Variants in HAO1 observed in about 807,000 individuals in gnomAD.
HAO1 encodes the protein 2-Hydroxyacid oxidase 1.
In HAO1, 34 loss-of-function variants were observed where a neutral mutation model predicts 39.7. The observed-to-expected ratio is 0.86, with a 90% confidence interval of 0.65 to 1.14. The LOEUF is 1.14. Ranked by LOEUF, HAO1 falls within the 50% of genes most tolerant of loss-of-function variation. The probability of loss-of-function intolerance (pLI) is 0.00; values close to 1 mark genes in which losing one functional copy is unlikely to be tolerated. For synonymous variants in HAO1, 172 were observed against 173.2 expected (o/e 0.99, Z 0.05); for missense variants, 479 against 464.5 (o/e 1.03, Z -0.29).
intron 5 of HAO1, among the ~76,000 whole-genome samples, chr20:7,893,044 A>G (rs1327553146): frequency 6.6e-6 from 1 of 152,066 alleles, no homozygotes; most frequent in Non-Finnish European, 1.5e-5. Flanking sequence ...GCCTCTTGTC[A>G]TGACAAAATC....
At chr20:7,906,084 A>C (rs1161365095) in intron 4 of HAO1, 70 bp downstream of exon 4, 1 of 1,034,856 alleles carries the variant, frequency 9.7e-7, no homozygotes, top group African/African-American at 1.6e-5. Context: ...ATTTTCCTTT[A>C]AGAATATTAT....
At chr20:7,904,766 A>G (rs2050239635) in intron 4 of HAO1, among the ~76,000 whole-genome samples, 1 of 152,166 alleles carries the variant, frequency 6.6e-6, no homozygotes, top group African/African-American at 2.4e-5. Flanking sequence ...TATTTATGGA[A>G]TGAATGAGTG....
At chr20:7,916,426 A>G (rs2050307393) in intron 2 of HAO1, among the ~76,000 whole-genome samples, 1 of 152,224 alleles carries the variant, frequency 6.6e-6, no homozygotes, top group South Asian at 2.1e-4. Context: ...GAATCCAGTG[A>G]GTTGCTGCTT....
chr20:7,889,763 A>G (rs772574668), intron 5 of HAO1, among the ~76,000 whole-genome samples: 2 of 152,218 alleles, frequency 1.3e-5, no homozygotes, highest in African/African-American at 2.4e-5. Context: ...CCAACCTAAT[A>G]GAAGTGTATA....
intron 2 of HAO1, among the ~76,000 whole-genome samples, chr20:7,917,468 C>A (rs2050312216): frequency 6.6e-6 from 1 of 151,968 alleles, no homozygotes; most frequent in Non-Finnish European, 1.5e-5. Flanking sequence ...AGACTCCCTA[C>A]ATGTCTAAAT....
intron 1 of HAO1, among the ~76,000 whole-genome samples, chr20:7,936,548 T>TGTGTGCG (rs1555775557): frequency 3.9e-5 from 2 of 50,722 alleles, no homozygotes; most frequent in African/African-American, 1.2e-4. Flanking sequence ...GTGTGTGTGT[T>TGTGTGCG]CGCGCGCGCG....
intron 2 of HAO1, among the ~76,000 whole-genome samples, chr20:7,933,738 A>G (rs2050397142): frequency 5.9e-5 from 9 of 152,186 alleles, no homozygotes; most frequent in Admixed American, 5.9e-4. Context: ...CTTTTATATT[A>G]GTTTCTGGAG....
At chr20:7,911,016 G>C (rs897049027) in intron 3 of HAO1, among the ~76,000 whole-genome samples, 7 of 152,174 alleles carry the variant, frequency 4.6e-5, no homozygotes, top group Non-Finnish European at 1.0e-4. Flanking sequence ...GTCATGCGTT[G>C]ATTCTGCGAA....
chr20:7,909,387 A>ATATATATATATATATATATG (rs2050266582), intron 3 of HAO1, among the ~76,000 whole-genome samples: 1 of 136,660 alleles, frequency 7.3e-6, no homozygotes, highest in Admixed American at 7.2e-5. Context: ...ATGTATATAT[A>ATATATATATATATATATATG]TATATATATA....
chr20:7,891,323 G>T (rs1286006961), intron 5 of HAO1, among the ~76,000 whole-genome samples: 2 of 152,164 alleles, frequency 1.3e-5, no homozygotes, highest in South Asian at 4.1e-4. Context: ...TCATATGTTT[G>T]TTGGCCATTT....
intron 1 of HAO1, among the ~76,000 whole-genome samples, chr20:7,939,168 A>G (rs957089058): frequency 2.0e-5 from 3 of 152,116 alleles, no homozygotes; most frequent in African/African-American, 7.2e-5. Context: ...CTCTCAGTCA[A>G]CTTCCCTTCC....
intron 1 of HAO1, among the ~76,000 whole-genome samples, chr20:7,938,990 C>T (rs2050426940): frequency 6.6e-6 from 1 of 152,118 alleles, no homozygotes; most frequent in South Asian, 2.1e-4. Flanking sequence ...CTGAAATTTC[C>T]TTGGTTGTAA....
chr20:7,901,724 T>C (rs2050222209), intron 4 of HAO1, among the ~76,000 whole-genome samples: 3 of 152,214 alleles, frequency 2.0e-5, no homozygotes, highest in Admixed American at 6.5e-5. Context: ...TTAATAACAT[T>C]ATAGCTGCTA....
chr20:7,909,360 C>CATATATATATATATATATATATATAT (rs749171756), intron 3 of HAO1, among the ~76,000 whole-genome samples: 4 of 109,066 alleles, frequency 3.7e-5, no homozygotes, highest in South Asian at 3.7e-4. Flanking sequence ...CGGATTATGA[C>CATATATATATATATATATATATATAT]ATATATATAT....
chr20:7,895,580 A>T (rs1473255668), intron 4 of HAO1, among the ~76,000 whole-genome samples: 1 of 151,674 alleles, frequency 6.6e-6, no homozygotes, highest in Non-Finnish European at 1.5e-5. Flanking sequence ...TTATTCCTCA[A>T]CAATTTGGAT....
At chr20:7,932,457 A>G (rs1051540481) in intron 2 of HAO1, among the ~76,000 whole-genome samples, 1 of 152,106 alleles carries the variant, frequency 6.6e-6, no homozygotes, top group Non-Finnish European at 1.5e-5. Context: ...TCTAATTGTT[A>G]TCATTTCCTC....
intron 3 of HAO1, among the ~76,000 whole-genome samples, chr20:7,910,107 A>G (rs1472755353): frequency 1.3e-5 from 2 of 152,228 alleles, no homozygotes; most frequent in African/African-American, 4.8e-5. Context: ...TTAAGCATCT[A>G]CTACATGCCA....
intron 5 of HAO1, among the ~76,000 whole-genome samples, chr20:7,894,267 G>A (rs537408079): frequency 1.9e-4 from 29 of 152,208 alleles, no homozygotes; most frequent in Admixed American, 5.9e-4. Context: ...TGCCTCTGTC[G>A]GTTTTCTTGG....
intron 2 of HAO1, among the ~76,000 whole-genome samples, chr20:7,923,479 G>T (rs2050344112): frequency 1.3e-5 from 2 of 152,176 alleles, no homozygotes; most frequent in African/African-American, 4.8e-5. Flanking sequence ...TTTTATCAAA[G>T]ACTACTGTGA....
Sources: gnomAD v4.1 joint callset for allele counts (sites outside exome capture counted in the v4.1 genomes callset) on GRCh38, gnomAD v4.1.1 for gene constraint, MANE v1.5 for transcripts, NCBI Gene and HGNC (gene_info 2026-07-23, HGNC 2026-07-21) for gene names.